The following IL1RAPL2 variants were observed in gnomAD, a reference collection of about 807,000 sequenced individuals.
IL1RAPL2 encodes the protein interleukin 1 receptor accessory protein like 2.
In IL1RAPL2, 3 loss-of-function variants were observed where a neutral mutation model predicts 44.1. The ratio of observed to expected loss-of-function variants is 0.07; its 90% CI spans 0.03 to 0.18. IL1RAPL2 has a LOEUF of 0.18. Among genes scored for constraint, IL1RAPL2 ranks in the 10% least tolerant of loss-of-function variants. The probability of loss-of-function intolerance (pLI) is 1.00; values close to 1 mark genes in which losing one functional copy is unlikely to be tolerated. For synonymous variants in IL1RAPL2, 181 were observed against 178.8 expected, an observed-to-expected ratio of 1.01 and a Z score of -0.10; for missense variants, 391 against 496.4, an observed-to-expected ratio of 0.79 and a Z score of 2.02.
intron 2 of IL1RAPL2, among the ~76,000 whole-genome samples, chrX:105,181,197 A>G (rs2033527476): frequency 1.8e-5 from 2 of 111,020 alleles, no homozygotes; most frequent in Admixed American, 1.9e-4. Flanking sequence ...TTTATTTCTG[A>G]TTTTGAGTTT....
At chrX:105,219,848 C>T (rs1459163020) in intron 3 of IL1RAPL2, 30 of 966,380 alleles carry the variant, frequency 3.1e-5, no homozygotes, top group East Asian at 2.0e-4. Context: ...GTGGGAAGGG[C>T]GGGGCAGGGC....
chrX:104,633,495 G>A (rs1267326712), intron 1 of IL1RAPL2, among the ~76,000 whole-genome samples: 3 of 111,480 alleles, frequency 2.7e-5, no homozygotes, highest in African/African-American at 3.3e-5. Context: ...TTGGTAAGCT[G>A]TTAATTATTG....
intron 6 of IL1RAPL2, among the ~76,000 whole-genome samples, chrX:105,564,026 G>C (rs1324439972): frequency 9.0e-6 from 1 of 111,491 alleles, no homozygotes; most frequent in East Asian, 2.8e-4. Context: ...GGAAGTCCAA[G>C]ATCAAGGCAC....
chrX:105,299,447 G>C (rs1222673245), intron 5 of IL1RAPL2, among the ~76,000 whole-genome samples: 1 of 111,212 alleles, frequency 9.0e-6, no homozygotes, highest in Non-Finnish European at 1.9e-5. Flanking sequence ...GCTGAAGTGT[G>C]GAGATCATTG....
At chrX:104,967,806 A>G (rs1007964706) in intron 2 of IL1RAPL2, among the ~76,000 whole-genome samples, 8 of 111,408 alleles carry the variant, frequency 7.2e-5, no homozygotes, top group African/African-American at 2.6e-4. Context: ...GACAAAATGC[A>G]TGCTTTTTAA....
chrX:105,591,879 A>G (rs1012824415), intron 6 of IL1RAPL2, among the ~76,000 whole-genome samples: 3 of 111,213 alleles, frequency 2.7e-5, no homozygotes, highest in Non-Finnish European at 5.7e-5. Context: ...AGATGAGAAG[A>G]GTGAATATTT....
chrX:105,279,308 A>AT, intron 5 of IL1RAPL2, among the ~76,000 whole-genome samples: 1 of 111,121 alleles, frequency 9.0e-6, no homozygotes, highest in Non-Finnish European at 1.9e-5. Flanking sequence ...AATTTAAGTA[A>AT]TTTTTTTCTC....
At chrX:105,445,009 A>G (rs919417994) in intron 5 of IL1RAPL2, among the ~76,000 whole-genome samples, 2 of 111,934 alleles carry the variant, frequency 1.8e-5, no homozygotes, top group African/African-American at 6.5e-5. Flanking sequence ...ACAGCAGTGA[A>G]GCCATCAGTT....
chrX:105,447,564 T>TATATAAACATAAATATATATTTATATAA (rs2035976361), intron 5 of IL1RAPL2, among the ~76,000 whole-genome samples: 2,206 of 75,521 alleles, frequency 0.029, 51 homozygotes, highest in Non-Finnish European at 0.041. Flanking sequence ...TAAATATAAA[T>TATATAAACATAAATATATATTTATATAA]ATATAAACAT....
intron 2 of IL1RAPL2, among the ~76,000 whole-genome samples, chrX:104,677,935 A>G (rs770344640): frequency 3.6e-5 from 4 of 112,397 alleles, no homozygotes; most frequent in East Asian, 2.9e-4. Flanking sequence ...CAGTGAGGCA[A>G]TGCCTCACCC....
chrX:105,710,947 T>C (rs2038204930), intron 6 of IL1RAPL2, among the ~76,000 whole-genome samples: 1 of 105,997 alleles, frequency 9.4e-6, no homozygotes, highest in Non-Finnish European at 1.9e-5. Context: ...TAAATATATA[T>C]ATATATTTAT....
At chrX:105,234,345 C>T (rs1472933705) in intron 4 of IL1RAPL2, among the ~76,000 whole-genome samples, 1 of 111,845 alleles carries the variant, frequency 8.9e-6, no homozygotes, top group African/African-American at 3.3e-5. Context: ...GGAACAAAGG[C>T]CTGCCATTAC....
intron 2 of IL1RAPL2, among the ~76,000 whole-genome samples, chrX:104,720,727 T>C (rs1427679394): frequency 8.9e-6 from 1 of 111,759 alleles, no homozygotes; most frequent in Admixed American, 9.5e-5. Context: ...TTATGGTTCA[T>C]GTAGCAGGAC....
At chrX:105,279,549 G>A (rs1015195522) in intron 5 of IL1RAPL2, among the ~76,000 whole-genome samples, 5 of 111,161 alleles carry the variant, frequency 4.5e-5, no homozygotes, top group East Asian at 5.7e-4. Flanking sequence ...GTGCGATCTC[G>A]GCTCACTGCA....
chrX:105,291,103 T>C (rs1357950384), intron 5 of IL1RAPL2, among the ~76,000 whole-genome samples: 1 of 111,643 alleles, frequency 9.0e-6, no homozygotes, highest in Non-Finnish European at 1.9e-5. Flanking sequence ...TTGTGCTGAA[T>C]TGCTACTTCT....
intron 2 of IL1RAPL2, among the ~76,000 whole-genome samples, chrX:105,192,824 T>TTCTCTG (rs2033643718): frequency 2.7e-5 from 3 of 112,150 alleles, no homozygotes; most frequent in African/African-American, 9.7e-5. Context: ...ATTATTGTAT[T>TTCTCTG]GCTGTTCTCT....
At chrX:104,776,288 C>A (rs1045666890) in intron 2 of IL1RAPL2, among the ~76,000 whole-genome samples, 6 of 111,695 alleles carry the variant, frequency 5.4e-5, no homozygotes, top group African/African-American at 2.0e-4. Flanking sequence ...TATAGCTAAG[C>A]TTGGGCCACA....
chrX:105,705,219 C>T (rs190178627), intron 6 of IL1RAPL2, among the ~76,000 whole-genome samples: 90 of 109,922 alleles, frequency 8.2e-4, no homozygotes, highest in African/African-American at 2.6e-3. Flanking sequence ...AATAGATAGA[C>T]GGATACAGAT....
At chrX:104,759,431 A>T (rs1204152436) in intron 2 of IL1RAPL2, among the ~76,000 whole-genome samples, 1 of 111,915 alleles carries the variant, frequency 8.9e-6, no homozygotes, top group Non-Finnish European at 1.9e-5. Context: ...TTCATTGCCT[A>T]TGGAATTAGG....
Sources: allele counts gnomAD v4.1 joint callset (sites outside exome capture counted in the v4.1 genomes callset), GRCh38; gene constraint gnomAD v4.1.1; transcripts MANE v1.5; gene names NCBI Gene and HGNC (gene_info 2026-07-23, HGNC 2026-07-21).